The following DNAJC1 variants were observed in gnomAD, a reference collection of about 807,000 sequenced individuals.
The protein encoded by DNAJC1 is dnaJ homolog subfamily C member 1.
DNAJC1 carries 58 observed loss-of-function variants against 76.6 expected under a neutral mutation model. That is an observed-to-expected ratio of 0.76 (90% CI 0.61 to 0.94). The LOEUF is 0.94. Among genes scored for constraint, DNAJC1 ranks in the 40% least tolerant of loss-of-function variants. The probability of loss-of-function intolerance (pLI) is 0.00; values close to 1 mark genes in which losing one functional copy is unlikely to be tolerated. For synonymous variants in DNAJC1, 258 were observed against 267.9 expected (o/e 0.96, Z 0.36); for missense variants, 689 against 677.3 (o/e 1.02, Z -0.19).
intron 8 of DNAJC1, among the ~76,000 whole-genome samples, chr10:21,866,188 T>C (rs1237456042): frequency 1.2e-5 from 1 of 82,852 alleles, no homozygotes; most frequent in East Asian, 3.3e-4. Flanking sequence ...AGCAAAAAAA[T>C]AAAAAACCCA....
At position 22,003,324 on chromosome 10, in the gene DNAJC1, C is replaced by G; in HGVS notation, c.111G>C (p.Leu37=). The part of the protein sequence containing the change: ...PRTPLLWLLL[L]LLAAVAPARG... ...GCGCCGGCGCCACGGCGGCCAGCAG[C>G]AGCAGCAGCAGCCACAGCAGCGGCG... is the stretch of plus-strand genomic sequence containing the variant. Residue 37 remains leucine (L), a synonymous_variant, in exon 1 of 12, where the codon CTG becomes CTC. Coordinates refer to ENST00000376980, the MANE Select transcript of DNAJC1 (RefSeq NM_022365.4). 6.6e-7 allele frequency: 1 copy of G among 1,518,266 alleles called. No individual in the cohort carries two copies. 94.0% of individuals were successfully genotyped at this position (1,518,266 alleles called of 1,614,324 possible). A position where few individuals can be genotyped will look rare whatever the true frequency, so the allele number is the denominator to read the frequency against.
At chr10:21,811,356 T>A (rs1284190490) in intron 8 of DNAJC1, among the ~76,000 whole-genome samples, 1 of 152,184 alleles carries the variant, frequency 6.6e-6, no homozygotes, top group Non-Finnish European at 1.5e-5. Flanking sequence ...TAAGCCCATA[T>A]ATGTTGTTAC....
intron 1 of DNAJC1, among the ~76,000 whole-genome samples, chr10:21,992,242 C>T (rs773787007): frequency 2.0e-5 from 3 of 152,094 alleles, no homozygotes; most frequent in African/African-American, 4.8e-5. Flanking sequence ...ATCCGGGAGG[C>T]GGAGGTTGCA....
chr10:21,916,355 A>G (rs953076934), intron 6 of DNAJC1, among the ~76,000 whole-genome samples: 1 of 152,060 alleles, frequency 6.6e-6, no homozygotes. Flanking sequence ...CGGGCGTGGT[A>G]GCGGGCGCCT....
At chr10:21,972,109 C>T (rs1837989761) in intron 1 of DNAJC1, among the ~76,000 whole-genome samples, 1 of 151,654 alleles carries the variant, frequency 6.6e-6, no homozygotes, top group Non-Finnish European at 1.5e-5. Context: ...TAAAATATAA[C>T]ATAAATTACT....
At chr10:21,999,921 G>A (rs1190509720) in intron 1 of DNAJC1, among the ~76,000 whole-genome samples, 2 of 152,028 alleles carry the variant, frequency 1.3e-5, no homozygotes, top group Non-Finnish European at 2.9e-5. Context: ...CTTTCTTCTT[G>A]TAACTCTACA....
At chr10:21,952,144 G>A (rs531555964) in intron 1 of DNAJC1, among the ~76,000 whole-genome samples, 2 of 152,228 alleles carry the variant, frequency 1.3e-5, no homozygotes, top group African/African-American at 4.8e-5. Context: ...CTCTGTTTTA[G>A]TAAGGTTTTT....
chr10:21,837,617 A>G (rs1366529653), intron 8 of DNAJC1, among the ~76,000 whole-genome samples: 1 of 147,812 alleles, frequency 6.8e-6, no homozygotes, highest in Non-Finnish European at 1.5e-5. Context: ...CTGAGAAGTG[A>G]GGAGCCCCTC....
intron 3 of DNAJC1, among the ~76,000 whole-genome samples, chr10:21,928,284 T>C (rs1233737169): frequency 6.6e-6 from 1 of 152,214 alleles, no homozygotes; most frequent in Non-Finnish European, 1.5e-5. Context: ...GCTAACATTA[T>C]GACTCAAAAT....
chr10:21,921,820 T>C (rs1393954874), intron 3 of DNAJC1, among the ~76,000 whole-genome samples: 2 of 152,040 alleles, frequency 1.3e-5, no homozygotes, highest in Non-Finnish European at 1.5e-5. Context: ...CAGACAATCA[T>C]TGAACAAATA....
At chr10:21,823,713 T>C (rs1169813753) in intron 8 of DNAJC1, among the ~76,000 whole-genome samples, 1 of 149,350 alleles carries the variant, frequency 6.7e-6, no homozygotes, top group African/African-American at 2.5e-5. Flanking sequence ...TAAAATACAC[T>C]AATGCTAACA....
intron 1 of DNAJC1, among the ~76,000 whole-genome samples, chr10:21,954,032 G>A (rs1213368399): frequency 6.6e-6 from 1 of 151,406 alleles, no homozygotes; most frequent in Non-Finnish European, 1.5e-5. Context: ...ATTTTTTCTG[G>A]GCATTTTTAT....
chr10:21,773,547 A>G (rs1468311408), intron 9 of DNAJC1, among the ~76,000 whole-genome samples: 3 of 152,194 alleles, frequency 2.0e-5, no homozygotes, highest in Non-Finnish European at 4.4e-5. Context: ...ATGTCCTAGC[A>G]TATAGTCTAT....
chr10:21,841,736 A>G (rs1835577941), intron 8 of DNAJC1, among the ~76,000 whole-genome samples: 1 of 152,172 alleles, frequency 6.6e-6, no homozygotes, highest in Non-Finnish European at 1.5e-5. Context: ...CATTTGACCC[A>G]GCCATCCCAT....
chr10:21,816,853 G>C (rs1406272071), intron 8 of DNAJC1, among the ~76,000 whole-genome samples: 23 of 132,616 alleles, frequency 1.7e-4, no homozygotes, highest in Non-Finnish European at 3.1e-4. Flanking sequence ...CCGAGACTCT[G>C]TCTCTTAAAA....
chr10:21,774,313 A>C (rs1381469451), intron 9 of DNAJC1, among the ~76,000 whole-genome samples: 1 of 152,162 alleles, frequency 6.6e-6, no homozygotes, highest in African/African-American at 2.4e-5. Flanking sequence ...ATATGATCAC[A>C]CAAAGAATTC....
At chr10:21,893,411 G>A (rs1249038719) in intron 7 of DNAJC1, among the ~76,000 whole-genome samples, 1 of 152,086 alleles carries the variant, frequency 6.6e-6, no homozygotes, top group Non-Finnish European at 1.5e-5. Context: ...TGGATCACTT[G>A]AGGTCAGGAG....
intron 7 of DNAJC1, among the ~76,000 whole-genome samples, chr10:21,891,476 C>CAAAAAAAAA (rs369729722): frequency 3.6e-4 from 14 of 38,810 alleles, no homozygotes; most frequent in East Asian, 7.7e-4. Context: ...ACAAAGTAGA[C>CAAAAAAAAA]AAAAAAAAAA....
intron 1 of DNAJC1, among the ~76,000 whole-genome samples, chr10:21,952,683 T>G (rs956660666): frequency 6.6e-6 from 1 of 152,138 alleles, no homozygotes; most frequent in Non-Finnish European, 1.5e-5. Context: ...CACTTGAAAC[T>G]GGGAGGCAGA....
Sources: allele counts gnomAD v4.1 joint callset (sites outside exome capture counted in the v4.1 genomes callset), GRCh38; gene constraint gnomAD v4.1.1; transcripts MANE v1.5; gene names NCBI Gene and HGNC (gene_info 2026-07-23, HGNC 2026-07-21).